Variants in PNPT1 observed in about 807,000 individuals in gnomAD.
PNPT1 encodes the protein polyribonucleotide nucleotidyltransferase 1, mitochondrial.
In PNPT1, 53 loss-of-function variants were observed where a neutral mutation model predicts 119.5. The ratio of observed to expected loss-of-function variants is 0.44; its 90% confidence interval spans 0.36 to 0.56. The LOEUF is 0.56. PNPT1 is among the 20% of genes least tolerant of loss of function. PNPT1 has a pLI of 0.00. For missense variants in PNPT1, 948 were observed against 938.5 expected, an observed-to-expected ratio of 1.01 and a Z score of -0.13; for synonymous variants, 357 against 322.1, an observed-to-expected ratio of 1.11 and a Z score of -1.16.
At chr2:55,651,375 C>T (rs1377437928) in intron 18 of PNPT1, among the ~76,000 whole-genome samples, 2 of 151,880 alleles carry the variant, frequency 1.3e-5, no homozygotes, top group Non-Finnish European at 2.9e-5. Flanking sequence ...GGATGGTTGC[C>T]GTGTCTGTGT....
chr2:55,691,962 T>C (rs1179707402), intron 1 of PNPT1, among the ~76,000 whole-genome samples: 1 of 145,168 alleles, frequency 6.9e-6, no homozygotes, highest in East Asian at 2.3e-4. Context: ...TCTCTGCCAC[T>C]GCAACCTCTG....
intron 13 of PNPT1, among the ~76,000 whole-genome samples, chr2:55,666,016 G>C (rs1696719547): frequency 6.6e-6 from 1 of 152,096 alleles, no homozygotes; most frequent in Non-Finnish European, 1.5e-5. Context: ...AAACAAATGA[G>C]GGCCTTGAAC....
rs1282915678 is a variant in PNPT1 at position 55,673,075 on chromosome 2, C to T, written c.684G>A (p.Met228Ile). The change falls in exon 9 of 28, where the codon ATG (methionine) becomes ATA (isoleucine). Residue 228 changes from methionine to isoleucine, a missense_variant. Coordinates refer to ENST00000447944, the MANE Select transcript of PNPT1 (RefSeq NM_033109.5). ...VAGAPKSQIVMLEASAENILQ... is the reference protein window; with the variant it reads ...VAGAPKSQIVILEASAENILQ... Reference sequence around the variant, plus strand: ...AAATGTTCTCTGCAGAGGCTTCCAACATGACTATTTAAAGGAAAAAGAAAA... The same window carrying T: ...AAATGTTCTCTGCAGAGGCTTCCAATATGACTATTTAAAGGAAAAAGAAAA... The T allele has an allele frequency of 6.4e-7, 1 of 1,567,166 alleles. No homozygotes were observed. The highest frequency in any genetic ancestry group is 1.2e-5 in the South Asian group (1 of 83,526).
intron 18 of PNPT1, 49 bp downstream of exon 18, chr2:55,654,851 G>C (rs990631704): frequency 6.4e-7 from 1 of 1,555,730 alleles, no homozygotes; most frequent in Non-Finnish European, 8.8e-7. Flanking sequence ...TCATGCCTGG[G>C]ATTACAGGCA....
Position 55,635,890 on chromosome 2 carries a change from T to A in PNPT1, c.*347A>T. On this transcript the variant is annotated 3_prime_UTR_variant, in exon 28 of 28. Transcript: ENST00000447944. Reference sequence around the variant, plus strand: ...CACTACTGTATACAAAGAAGAAAAATAAGATGTAGGAAGAGATCTGTTATA... The same window carrying A: ...CACTACTGTATACAAAGAAGAAAAAAAAGATGTAGGAAGAGATCTGTTATA... 6.4e-6 allele frequency: 1 copy of A among 155,408 alleles called. No individual in the cohort carries two copies. Among genetic ancestry groups the A allele is most frequent in the East Asian group, 1.9e-4 (1 of 5,318 alleles). 9.6% of individuals were successfully genotyped at this position (155,408 alleles called of 1,614,324 possible).
At chr2:55,647,100 A>T (rs183701706) in intron 19 of PNPT1, among the ~76,000 whole-genome samples, 1 of 152,122 alleles carries the variant, frequency 6.6e-6, no homozygotes, top group East Asian at 1.9e-4. Flanking sequence ...GGCATGAGTC[A>T]CTGTGCCTGG....
At chr2:55,660,833 C>G (rs1696544355) in intron 14 of PNPT1, among the ~76,000 whole-genome samples, 1 of 152,144 alleles carries the variant, frequency 6.6e-6, no homozygotes, top group Non-Finnish European at 1.5e-5. Flanking sequence ...CCTGACCAAG[C>G]CCAGTGTTCT....
chr2:55,653,817 G>A (rs1696290394), intron 18 of PNPT1, among the ~76,000 whole-genome samples: 1 of 151,908 alleles, frequency 6.6e-6, no homozygotes, highest in South Asian at 2.1e-4. Flanking sequence ...GTTATTCACG[G>A]CCCTCTTTTC....
At chr2:55,683,153 A>C (rs1219480735) in intron 5 of PNPT1, among the ~76,000 whole-genome samples, 1 of 152,148 alleles carries the variant, frequency 6.6e-6, no homozygotes, top group African/African-American at 2.4e-5. Flanking sequence ...TCCCAGCCTG[A>C]TTTGGTCTCC....
intron 1 of PNPT1, among the ~76,000 whole-genome samples, 154 bp downstream of exon 1, chr2:55,693,509 C>T (rs535808603): frequency 1.3e-3 from 196 of 152,286 alleles, no homozygotes; most frequent in African/African-American, 4.3e-3. Flanking sequence ...AGACACATTC[C>T]AAACCCGGAA....
chr2:55,641,829 T>C (rs543997155), intron 25 of PNPT1, among the ~76,000 whole-genome samples: 446 of 152,044 alleles, frequency 2.9e-3, no homozygotes, highest in Non-Finnish European at 5.5e-3. Context: ...AAAAAAATGC[T>C]TTGAGACTGA....
chr2:55,677,596 C>CACA (rs1697115029), intron 8 of PNPT1, among the ~76,000 whole-genome samples: 6 of 33,504 alleles, frequency 1.8e-4, no homozygotes, highest in Non-Finnish European at 2.6e-4. Context: ...GACTATGTCT[C>CACA]AAAAAAAAAA....
In PNPT1 at chr2:55,684,988, C is replaced by G. The variant is rs1173875817; in HGVS notation, c.358G>C (p.Glu120Gln). ...ATTTCTTTATCAGAAGTACCAATCT[C>G]TCTTCTCAGATAGTTTGTGGGAATT... Reference protein sequence around the residue: ...GRIPTNYLRREIGTSDKEILT... With the variant: ...GRIPTNYLRRQIGTSDKEILT... The change falls in exon 4 of 28, where the codon GAG becomes CAG. Residue 120 changes from glutamate to glutamine, a missense_variant. Glu to Gln is a conservative substitution (Grantham distance 29, BLOSUM62 2). Transcript: ENST00000447944. 1 of 1,594,524 alleles carries G rather than the reference C, an allele frequency of 6.3e-7. No homozygotes were observed.
intron 11 of PNPT1, among the ~76,000 whole-genome samples, chr2:55,669,588 C>T (rs956435330): frequency 2.0e-5 from 3 of 152,132 alleles, no homozygotes; most frequent in African/African-American, 7.2e-5. Context: ...CCCAGAGGGT[C>T]GTGAAGATAT....
chr2:55,684,277 G>T (rs1697331340), intron 4 of PNPT1, among the ~76,000 whole-genome samples: 1 of 152,190 alleles, frequency 6.6e-6, no homozygotes, highest in Non-Finnish European at 1.5e-5. Flanking sequence ...GGATCACGAG[G>T]TCAGGAGTTC....
rs992785539 is a variant in PNPT1 at position 55,664,602 on chromosome 2, C to G, written c.1176+2389G>C. Among the ~76,000 whole-genome samples, 17 of 151,832 alleles carry G rather than the reference C, an allele frequency of 1.1e-4. 1 individual carries two copies. The East Asian group carries it at 1.9e-3, about 17-fold the overall frequency. On this transcript the variant is annotated intron_variant, in intron 13 of 27. Coordinates refer to ENST00000447944, the MANE Select transcript of PNPT1 (RefSeq NM_033109.5). Reference sequence around the variant, plus strand: ...CAATTCAATTCATTCAAAAAGAAGGCTGAAAGTAAAAAATAGAGAAACAAA... The same window carrying G: ...CAATTCAATTCATTCAAAAAGAAGGGTGAAAGTAAAAAATAGAGAAACAAA...
In PNPT1 at chr2:55,636,296, C is replaced by T. The variant is rs146977004; in HGVS notation, c.2293G>A (p.Asp765Asn). The change falls in exon 28 of 28, where the codon GAC becomes AAC. Residue 765 changes from aspartate (D) to asparagine (N), a missense_variant. Transcript: ENST00000447944. ...TCTCCCATTACAATACTACTTCTGT[C>T]ATTCAAAGTTCTGACCACGGTTGTA... Reference protein sequence around the residue: ...PATTVVRTLNDRSSIVMGEPI... With the variant: ...PATTVVRTLNNRSSIVMGEPI... 5.6e-6 allele frequency: 9 copies of T among 1,613,794 alleles called. No homozygotes were observed. The highest frequency in any genetic ancestry group is 2.2e-5 in the South Asian group (2 of 91,074).
In PNPT1 at chr2:55,679,676, A is replaced by G. The variant is rs1388719837; in HGVS notation, c.679+6T>C. 6.4e-7 allele frequency: 1 copy of G among 1,574,426 alleles called. No homozygotes were observed. The highest frequency in any genetic ancestry group is 1.7e-5 in the Admixed American group (1 of 59,572). ...CAGAACAAATGTGGTATTTAAAACAACTTACCAATCTGACTTTTAGGTGCT... is the reference window on the plus strand; with the variant it reads ...CAGAACAAATGTGGTATTTAAAACAGCTTACCAATCTGACTTTTAGGTGCT... On this transcript the variant is annotated splice_donor_region_variant and intron_variant, in intron 8 of 27. Coordinates refer to ENST00000447944, the MANE Select transcript of PNPT1 (RefSeq NM_033109.5).
chr2:55,650,614 G>C (rs1446497389), intron 18 of PNPT1, among the ~76,000 whole-genome samples: 1 of 152,014 alleles, frequency 6.6e-6, no homozygotes, highest in African/African-American at 2.4e-5. Flanking sequence ...TCCCATCTGG[G>C]AAGTGAGGAG....
Sources: allele counts gnomAD v4.1 joint callset (sites outside exome capture counted in the v4.1 genomes callset), GRCh38; gene constraint gnomAD v4.1.1; transcripts MANE v1.5; gene names NCBI Gene and HGNC (gene_info 2026-07-23, HGNC 2026-07-21).